Variants in ABLIM2 observed in about 807,000 individuals in gnomAD.
ABLIM2 encodes actin-binding LIM protein 2.
In ABLIM2, 53 loss-of-function variants were observed where a neutral mutation model predicts 97.7. The ratio of observed to expected loss-of-function variants is 0.54; its 90% confidence interval spans 0.44 to 0.68. The LOEUF (loss-of-function observed/expected upper bound fraction) is 0.68, where lower values mean the gene tolerates loss of function less well. ABLIM2 is among the 30% of genes least tolerant of loss of function. ABLIM2 has a pLI of 0.00. For missense variants in ABLIM2, 835 were observed against 867.2 expected, an observed-to-expected ratio of 0.96 and a Z score of 0.47; for synonymous variants, 361 against 345.8, an observed-to-expected ratio of 1.04 and a Z score of -0.49.
chr4:8,045,677 T>A (rs1225752665), intron 8 of ABLIM2, among the ~76,000 whole-genome samples: 1 of 151,964 alleles, frequency 6.6e-6, no homozygotes, highest in Non-Finnish European at 1.5e-5. Context: ...AATAAATAAA[T>A]AAATAAAGTT....
At position 8,028,702 on chromosome 4, in the gene ABLIM2, TTCACTCACTAATTCAGTCATTCATGCAC is replaced by T. The variant is rs546363662; in HGVS notation, c.1169-873_1169-846del. ...ATTCATTCACTTGGTCACGCATTCC[TTCACTCACTAATTCAGTCATTCATGCAC>T]TCACTCACTCATTCACTCATTCACT... On this transcript the variant is annotated intron_variant, in intron 11 of 20. Transcript: ENST00000447017. Among the ~76,000 whole-genome samples, 1,250 of 151,938 alleles carry T rather than the reference TTCACTCACTAATTCAGTCATTCATGCAC, an allele frequency of 8.2e-3. 18 individuals carry two copies. Among genetic ancestry groups the T allele is most frequent in the African/African-American group, 0.029 (1,185 of 41,444 alleles).
At chr4:8,020,146 T>G (rs1009735717) in intron 13 of ABLIM2, 56 bp downstream of exon 13, 1 of 1,527,764 alleles carries the variant, frequency 6.5e-7, no homozygotes, top group Non-Finnish European at 8.9e-7. Context: ...GTGTGGCCAG[T>G]TTCGGTGTGG....
intron 14 of ABLIM2, among the ~76,000 whole-genome samples, chr4:8,013,807 G>A (rs1321505663): frequency 6.6e-6 from 1 of 152,196 alleles, no homozygotes; most frequent in African/African-American, 2.4e-5. Flanking sequence ...GGAAAGGGCC[G>A]CATCTGATGA....
chr4:8,013,219 CTTTTTTTTTTTTTT>C (rs60424207), intron 14 of ABLIM2, among the ~76,000 whole-genome samples: 2 of 110,618 alleles, frequency 1.8e-5, no homozygotes, highest in South Asian at 6.3e-4. Flanking sequence ...AACATTTTTC[CTTTTTTTTTTTTTT>C]TTTTTTTGAG....
In ABLIM2 at chr4:8,122,055, C is replaced by T. The variant is rs1845725365; in HGVS notation, c.11-15418G>A. On this transcript the variant is annotated intron_variant, in intron 1 of 20. Transcript: ENST00000447017. The surrounding 1 kb of genome is among the most constrained non-coding windows in gnomAD (Gnocchi z 4.1). Reference sequence around the variant, plus strand: ...CTCTCTCCAGGCAGCTGCTGTGGTACATGTCCCCAGTGCAGGGACCTGGCA... The same window carrying T: ...CTCTCTCCAGGCAGCTGCTGTGGTATATGTCCCCAGTGCAGGGACCTGGCA... 6.6e-6 allele frequency among the ~76,000 whole-genome samples: 1 copy of T among 152,326 alleles called. No individual in the cohort carries two copies. Among genetic ancestry groups the T allele is most frequent in the African/African-American group, 2.4e-5 (1 of 41,584 alleles).
chr4:8,014,165 G>A (rs148105792), intron 14 of ABLIM2, among the ~76,000 whole-genome samples: 68 of 152,362 alleles, frequency 4.5e-4, no homozygotes, highest in African/African-American at 1.6e-3. Context: ...CTGGGACTCT[G>A]GCAGCCAGGA....
chr4:8,008,156 C>T lies in ABLIM2; in HGVS notation c.1521G>A (p.Arg507=), dbSNP rs933407883. 18 of 1,614,010 alleles carry T rather than the reference C, an allele frequency of 1.1e-5. 1 individual carries two copies. In the East Asian group the frequency reaches 3.8e-4, roughly 34 times the overall value. The change falls in exon 16 of 21, where the codon AGG becomes AGA. Residue 507 remains arginine (R), a synonymous_variant. Transcript: ENST00000447017. ...GGGTGTCCAGGTCTGGAGAATTGGTCCTTGTGTCTGCATCCCCCTTGAGCA... is the reference window on the plus strand; with the variant it reads ...GGGTGTCCAGGTCTGGAGAATTGGTTCTTGTGTCTGCATCCCCCTTGAGCA... ...WLMLKGDADT[R]TNSPDLDTQS... is the part of the protein sequence containing the mutation.
rs1234704966 is a variant in ABLIM2 at position 8,082,738 on chromosome 4, T to C, written c.455-1936A>G. ...AGAGGCTGTGGGCTTGAGAAACACG[T>C]GGGGAATGAATGAATGAATGAATGG... On this transcript the variant is annotated intron_variant, in intron 4 of 20. Coordinates refer to ENST00000447017, the MANE Select transcript of ABLIM2 (RefSeq NM_001130083.2). This position sits in a 1 kb window ranked among gnomAD's most constrained non-coding sequence, Gnocchi z 5.6. 6.6e-6 allele frequency among the ~76,000 whole-genome samples: 1 copy of C among 151,972 alleles called. No individual in the cohort carries two copies. The highest frequency in any genetic ancestry group is 1.5e-5 in the Non-Finnish European group (1 of 67,982).
chr4:8,024,573 C>A (rs1441759625), intron 12 of ABLIM2, among the ~76,000 whole-genome samples: 1 of 152,202 alleles, frequency 6.6e-6, no homozygotes, highest in Non-Finnish European at 1.5e-5. Context: ...CAGCTGACCC[C>A]TGGGGGCTGC....
intron 10 of ABLIM2, among the ~76,000 whole-genome samples, chr4:8,030,442 C>G (rs1172379697): frequency 6.6e-6 from 1 of 152,226 alleles, no homozygotes; most frequent in African/African-American, 2.4e-5. Flanking sequence ...GCCCAGTGTC[C>G]TGCTGCAGGG....
rs1311477775 is a variant in ABLIM2 at position 8,044,525 on chromosome 4, A to C, written c.900+639T>G. 1.3e-5 allele frequency among the ~76,000 whole-genome samples: 2 copies of C among 152,032 alleles called. No individual in the cohort carries two copies. Among genetic ancestry groups the C allele is most frequent in the African/African-American group, 4.8e-5 (2 of 41,394 alleles). On this transcript the variant is annotated intron_variant, in intron 9 of 20. Coordinates refer to ENST00000447017, the MANE Select transcript of ABLIM2 (RefSeq NM_001130083.2). The surrounding 1 kb of genome is among the most constrained non-coding windows in gnomAD (Gnocchi z 4.4). ...ATTAAATGTATTAAATATTAAATAGAATAATCTCCCATCTCGAATCCCACC... is the reference window on the plus strand; with the variant it reads ...ATTAAATGTATTAAATATTAAATAGCATAATCTCCCATCTCGAATCCCACC...
intron 20 of ABLIM2, among the ~76,000 whole-genome samples, chr4:7,972,843 CAA>C (rs1323528026): frequency 1.3e-5 from 2 of 152,174 alleles, no homozygotes; most frequent in African/African-American, 4.8e-5. Flanking sequence ...CATGTGGCTC[CAA>C]ACCTCCTATT....
chr4:8,037,670 C>T (rs1221329885), intron 9 of ABLIM2, among the ~76,000 whole-genome samples: 3 of 152,214 alleles, frequency 2.0e-5, no homozygotes, highest in African/African-American at 7.2e-5. Flanking sequence ...AGCAAGTTCA[C>T]ATTCACCACC....
At chr4:8,070,899 C>T (rs1811542983) in intron 6 of ABLIM2, among the ~76,000 whole-genome samples, 1 of 152,138 alleles carries the variant, frequency 6.6e-6, no homozygotes, top group Non-Finnish European at 1.5e-5. Flanking sequence ...GCACAGACTG[C>T]ACGAGGCACA....
At chr4:8,016,840 T>C (rs1466501052) in intron 14 of ABLIM2, among the ~76,000 whole-genome samples, 1 of 152,228 alleles carries the variant, frequency 6.6e-6, no homozygotes, top group Non-Finnish European at 1.5e-5. Flanking sequence ...CTGCCGCCGA[T>C]GAACTCTGTT....
At chr4:8,106,294 A>G (rs562430926) in intron 2 of ABLIM2, among the ~76,000 whole-genome samples, 200 bp downstream of exon 2, 11 of 152,240 alleles carry the variant, frequency 7.2e-5, no homozygotes, top group Admixed American at 7.2e-4. Context: ...ACCCTCCCCA[A>G]TCTGGTGATT....
At chr4:8,154,311 C>G (rs1169705680) in intron 1 of ABLIM2, among the ~76,000 whole-genome samples, 1 of 126,776 alleles carries the variant, frequency 7.9e-6, no homozygotes, top group African/African-American at 3.2e-5. Context: ...GAGACAGAGT[C>G]TTGCTCTGTC....
At chr4:7,967,862 C>T (rs1378699518) in intron 20 of ABLIM2, among the ~76,000 whole-genome samples, 1 of 152,252 alleles carries the variant, frequency 6.6e-6, no homozygotes, top group African/African-American at 2.4e-5. Context: ...TCAGCACTGG[C>T]TGTGGACTGT....
At chr4:8,013,866 T>C (rs374084367) in intron 14 of ABLIM2, among the ~76,000 whole-genome samples, 1 of 152,202 alleles carries the variant, frequency 6.6e-6, no homozygotes, top group East Asian at 1.9e-4. Flanking sequence ...CAGCCTCAGG[T>C]GCACGGAGGA....
Sources: allele counts gnomAD v4.1 joint callset (sites outside exome capture counted in the v4.1 genomes callset), GRCh38; gene constraint gnomAD v4.1.1; non-coding constraint Gnocchi (gnomAD v3.1); transcripts MANE v1.5; gene names NCBI Gene and HGNC (gene_info 2026-07-23, HGNC 2026-07-21).